Variants in MOCS1 observed in about 807,000 individuals in gnomAD.
MOCS1 encodes molybdenum cofactor biosynthesis protein 1.
MOCS1 carries 39 observed loss-of-function variants against 57.6 expected under a neutral mutation model. That is an observed-to-expected ratio of 0.68 (90% CI 0.52 to 0.88). MOCS1 has a LOEUF of 0.88. Among genes scored for constraint, MOCS1 ranks in the 40% least tolerant of loss-of-function variants. MOCS1 has a pLI of 0.00. For missense variants in MOCS1, 795 were observed against 831.1 expected (o/e 0.96, Z 0.53); for synonymous variants, 334 against 335.7 (o/e 1.00, Z 0.05).
At chr6:39,927,932 C>T (rs879941360) in intron 1 of MOCS1, among the ~76,000 whole-genome samples, 3 of 152,082 alleles carry the variant, frequency 2.0e-5, no homozygotes, top group Non-Finnish European at 4.4e-5. Context: ...TAGTCTGATC[C>T]GTCTCCCCCT....
At chr6:39,919,471 G>C (rs1767843137) in intron 3 of MOCS1, among the ~76,000 whole-genome samples, 1 of 151,400 alleles carries the variant, frequency 6.6e-6, no homozygotes, top group African/African-American at 2.4e-5. Flanking sequence ...CTGGGTGACA[G>C]AGTAAGACTC....
rs760299557 is a variant in MOCS1, at chr6:39,909,874, T to C, written c.1063A>G (p.Ile355Val). Residue 355 changes from isoleucine to valine, a missense_variant, in exon 9 of 11, where the codon ATT becomes GTT. Ile to Val is a conservative substitution (Grantham distance 29). This residue lies in a region of MOCS1 where 374 missense variants were observed against 422.6 expected (regional missense o/e 0.89). Coordinates refer to ENST00000340692, the MANE Select transcript of MOCS1 (RefSeq NM_001358530.2). ...TTCTTCCTGCCCACAGCAGCCCCAA[T>C]GATTCTCAGCAGCTCCTGCTCAGAG... ...GASEQELLRI[I>V]GAAVGRKKRQ... The C allele has an allele frequency of 1.2e-6, 2 of 1,613,862 alleles. No homozygotes were observed. Among genetic ancestry groups the C allele is most frequent in the South Asian group, 1.1e-5 (1 of 91,082 alleles).
At position 39,906,415 on chromosome 6, in the gene MOCS1, T is replaced by C. The variant is rs767373781; in HGVS notation, c.1853A>G (p.Glu618Gly). 3.1e-6 allele frequency: 5 copies of C among 1,605,266 alleles called. No individual in the cohort carries two copies. The Admixed American group carries it at 5.0e-5, about 16-fold the overall frequency. ...CKAVSRDIVL[E>G]EIKLISKTGG... ...AGTCTTGCTAATGAGCTTGATCTCC[T>C]CCAACACGATGTCCCTGCTGACAGC... The change falls in exon 11 of 11, where the codon GAG (glutamate) becomes GGG (glycine). Residue 618 changes from glutamate (E) to glycine (G), a missense_variant. Around this residue, in one of 3 missense-constraint regions of MOCS1, gnomAD observed 374 missense variants for 422.6 expected, o/e 0.89. Transcript: ENST00000340692.
In MOCS1 at chr6:39,934,235, G is replaced by A. The variant is rs3800350; in HGVS notation, c.123+60C>T. On this transcript the variant is annotated intron_variant, in intron 1 of 10. Coordinates refer to ENST00000340692, the MANE Select transcript of MOCS1 (RefSeq NM_001358530.2). Reference sequence around the variant, plus strand: ...GGCCGGGAGCTACTGGGGGAAAAGGGCAGTGTGCCGGGGCCACTCCTGCCC... The same window carrying A: ...GGCCGGGAGCTACTGGGGGAAAAGGACAGTGTGCCGGGGCCACTCCTGCCC... 7.3e-4 allele frequency: 1,076 copies of A among 1,474,766 alleles called. 31 individuals are homozygous for A. In the East Asian group the frequency reaches 0.026, roughly 36 times the overall value. 91.4% of individuals were successfully genotyped at this position (1,474,766 alleles called of 1,614,324 possible).
rs572569182 is a variant in MOCS1 at position 39,905,506 on chromosome 6, G to A, written c.*851C>T. 8 of 471,180 alleles carry A rather than the reference G, an allele frequency of 1.7e-5. No individual in the cohort carries two copies. Among genetic ancestry groups the A allele is most frequent in the Non-Finnish European group, 2.6e-5 (6 of 227,074 alleles). The allele number at this position is 471,180 out of a possible 1,614,324, so 29.2% of individuals were successfully genotyped here. A position where few individuals can be genotyped will look rare whatever the true frequency, so the allele number is the denominator to read the frequency against. ...CAGCTCAGTGCCCTACCCACACAGT[G>A]TCTTCATTCTTGCATCTGCAAAGTT... On this transcript the variant is annotated 3_prime_UTR_variant, in exon 11 of 11. Transcript: ENST00000340692.
intron 8 of MOCS1, 122 bp from the exon 9 acceptor site, chr6:39,910,077 T>A (rs1372046493): frequency 1.4e-6 from 2 of 1,400,308 alleles, no homozygotes; most frequent in African/African-American, 1.4e-5. Flanking sequence ...AGGCCTCCCA[T>A]GGCAGGGCCC....
chr6:39,906,360 A>AGCCCGATGGAAGTCC lies in MOCS1; in HGVS notation c.1893_1907dup (p.Asp632_Ala636dup), dbSNP rs1440029021. 1.3e-6 allele frequency: 2 copies of AGCCCGATGGAAGTCC among 1,596,596 alleles called. No homozygotes were observed. Among genetic ancestry groups the AGCCCGATGGAAGTCC allele is most frequent in the Admixed American group, 1.7e-5 (1 of 59,582 alleles). ...CCATGGGTGAGAAGGGCAGGTGCTA[A>AGCCCGATGGAAGTCC]GCCCGATGGAAGTCCCCCCGCTGAC... On this transcript the variant is annotated inframe_insertion, in exon 11 of 11. Transcript: ENST00000340692.
At chr6:39,933,909 G>T (rs1768771580) in intron 1 of MOCS1, among the ~76,000 whole-genome samples, 1 of 152,074 alleles carries the variant, frequency 6.6e-6, no homozygotes, top group Non-Finnish European at 1.5e-5. Context: ...AGGGACACCT[G>T]ATCTCTCAGC....
At chr6:39,927,785 C>CA (rs1272179984) in intron 1 of MOCS1, 9 of 1,409,462 alleles carry the variant, frequency 6.4e-6, no homozygotes, top group Non-Finnish European at 7.4e-6. Context: ...TAGCCAGTGC[C>CA]AAAAAAAGGA....
In MOCS1 at chr6:39,913,840, G is replaced by A. The variant is rs372597577; in HGVS notation, c.584-5C>T. 10 of 1,614,140 alleles carry A rather than the reference G, an allele frequency of 6.2e-6. No homozygotes were observed. Among genetic ancestry groups the A allele is most frequent in the Non-Finnish European group, 8.5e-6 (10 of 1,179,988 alleles). On this transcript the variant is annotated splice_polypyrimidine_tract_variant and splice_region_variant and intron_variant, in intron 4 of 10. Coordinates refer to ENST00000340692, the MANE Select transcript of MOCS1 (RefSeq NM_001358530.2). ...CCTCCATGACCTTGTGGAAGCCTGG[G>A]AGGGAGAAACAAGGATCCAGGAACT...
chr6:39,909,998 C>T (rs759556962), intron 8 of MOCS1, 43 bp from the exon 9 acceptor site: 1 of 1,608,852 alleles, frequency 6.2e-7, no homozygotes. Flanking sequence ...ACCCCTGAGC[C>T]TTGGCCTCCT....
Position 39,906,126 on chromosome 6 carries a change from G to A in MOCS1, c.*231C>T, listed in dbSNP as rs749597608. ...CCCGCTCCCACGACCTTAGTGTCCT[G>A]GAAGGCTTAAGGGCCTGCTGGTATC... On this transcript the variant is annotated 3_prime_UTR_variant, in exon 11 of 11. Coordinates refer to ENST00000340692, the MANE Select transcript of MOCS1 (RefSeq NM_001358530.2). 7.3e-6 allele frequency: 5 copies of A among 684,622 alleles called. No individual in the cohort carries two copies. The highest frequency in any genetic ancestry group is 1.3e-5 in the Non-Finnish European group (5 of 376,978). The allele number at this position is 684,622 out of a possible 1,614,324, so 42.4% of individuals were successfully genotyped here. A position where few individuals can be genotyped will look rare whatever the true frequency, so the allele number is the denominator to read the frequency against.
chr6:39,922,768 T>C (rs1456300765), intron 3 of MOCS1, among the ~76,000 whole-genome samples: 2 of 152,098 alleles, frequency 1.3e-5, no homozygotes, highest in African/African-American at 4.8e-5. Flanking sequence ...GGACCTGAGG[T>C]GAACGGGACC....
chr6:39,907,207 C>T (rs1582800642), intron 10 of MOCS1, 90 bp from the exon 11 acceptor site: 2 of 1,338,726 alleles, frequency 1.5e-6, no homozygotes, highest in African/African-American at 1.5e-5. Flanking sequence ...CCCTATCCCA[C>T]CTCAAGTTCT....
Position 39,909,115 on chromosome 6 carries a change from A to C in MOCS1, c.1103-13T>G. ...ATACTGAACATGCCTGGGGTGAGGG[A>C]AAGATGGGGAGGGAGAGGAAAGCAG... is the stretch of plus-strand genomic sequence containing the variant. On this transcript the variant is annotated splice_polypyrimidine_tract_variant and intron_variant, in intron 9 of 10. Coordinates refer to ENST00000340692, the MANE Select transcript of MOCS1 (RefSeq NM_001358530.2). 1 of 1,597,252 alleles carries C rather than the reference A, an allele frequency of 6.3e-7. No homozygotes were observed. Among genetic ancestry groups the C allele is most frequent in the Admixed American group, 1.7e-5 (1 of 59,178 alleles).
At chr6:39,931,834 A>T (rs1768658594) in intron 1 of MOCS1, among the ~76,000 whole-genome samples, 1 of 152,120 alleles carries the variant, frequency 6.6e-6, no homozygotes. Context: ...AGCAGGCTTC[A>T]TTGTTGCCCA....
At position 39,904,539 on chromosome 6, in the gene MOCS1, C is replaced by G. The variant is rs886418154; in HGVS notation, c.*1818G>C. On this transcript the variant is annotated 3_prime_UTR_variant, in exon 11 of 11. Coordinates refer to ENST00000340692, the MANE Select transcript of MOCS1 (RefSeq NM_001358530.2). ...AATGTAAAATTCGTCATCAACCTAA[C>G]AAACACAACCTTCTCAGCAGCATTT... 8 of 452,476 alleles carry G rather than the reference C, an allele frequency of 1.8e-5. No individual in the cohort carries two copies. The highest frequency in any genetic ancestry group is 3.1e-5 in the Non-Finnish European group (7 of 226,750). 28.0% of individuals were successfully genotyped at this position (452,476 alleles called of 1,614,324 possible).
At chr6:39,928,251 A>T (rs1768451894) in intron 1 of MOCS1, among the ~76,000 whole-genome samples, 1 of 145,588 alleles carries the variant, frequency 6.9e-6, no homozygotes, top group Non-Finnish European at 1.5e-5. Flanking sequence ...TGCAAACTCC[A>T]CCTCCCAGAT....
intron 1 of MOCS1, chr6:39,927,864 G>A (rs1046729220): frequency 1.2e-5 from 9 of 756,846 alleles, no homozygotes; most frequent in South Asian, 1.8e-5. Flanking sequence ...GCCCAAACCC[G>A]TCCTGCAGAG....
Sources: allele counts gnomAD v4.1 joint callset (sites outside exome capture counted in the v4.1 genomes callset), GRCh38; gene constraint gnomAD v4.1.1; regional missense constraint gnomAD v4.1.1; transcripts MANE v1.5; gene names NCBI Gene and HGNC (gene_info 2026-07-23, HGNC 2026-07-21).